Variants in RGS7 observed in about 807,000 individuals in gnomAD.
The protein encoded by RGS7 is regulator of G-protein signaling 7.
RGS7 carries 27 observed loss-of-function variants against 81.1 expected under a neutral mutation model. The observed-to-expected ratio is 0.33, with a 90% CI of 0.25 to 0.46. The LOEUF is 0.46. RGS7 is among the 20% of genes least tolerant of loss of function. The probability of loss-of-function intolerance (pLI) is 1.00; values close to 1 mark genes in which losing one functional copy is unlikely to be tolerated. For missense variants in RGS7, 396 were observed against 607.4 expected, an observed-to-expected ratio of 0.65 and a Z score of 3.66; for synonymous variants, 208 against 207.7, an observed-to-expected ratio of 1.00 and a Z score of -0.01.
rs76574397 is a variant in RGS7, at chr1:241,029,095, G to A, written c.176-45966C>T. 3.3e-5 allele frequency among the ~76,000 whole-genome samples: 5 copies of A among 152,100 alleles called. No individual in the cohort carries two copies. In the East Asian group the frequency reaches 5.8e-4, roughly 18 times the overall value. ...CAAAGAGATTTCTGGAGGCTGGCTC[G>A]GTAGGGTTGTAGGTTGAGGCTGTTG... On this transcript the variant is annotated intron_variant, in intron 3 of 18. Transcript: ENST00000440928.
intron 9 of RGS7, among the ~76,000 whole-genome samples, chr1:240,839,523 A>G (rs972038895): frequency 1.3e-5 from 2 of 152,222 alleles, no homozygotes; most frequent in Admixed American, 6.5e-5. Flanking sequence ...CATACATATC[A>G]TAGAAGCCAA....
chr1:240,957,386 C>T (rs1359906159), intron 4 of RGS7, among the ~76,000 whole-genome samples: 6 of 152,154 alleles, frequency 3.9e-5, no homozygotes, highest in Admixed American at 2.6e-4. Context: ...TTTGTGACTC[C>T]GACTGAGCCA....
intron 10 of RGS7, among the ~76,000 whole-genome samples, chr1:240,825,457 A>G (rs1236049533): frequency 6.6e-6 from 1 of 152,182 alleles, no homozygotes; most frequent in East Asian, 1.9e-4. Flanking sequence ...GGTGAGAAAA[A>G]TCCGTTTTCT....
chr1:241,153,812 G>T lies in RGS7; in HGVS notation c.79-55050C>A, dbSNP rs191982357. On this transcript the variant is annotated intron_variant, in intron 2 of 18. Transcript: ENST00000440928. ...GTCTCTTCAAATACAGCAAGGGAAA[G>T]TCCTAATGGAGAAGCCAGTCTTAGG... is the stretch of plus-strand genomic sequence containing the variant. 2.2e-3 allele frequency among the ~76,000 whole-genome samples: 330 copies of T among 152,382 alleles called. 2 individuals carry two copies. Among genetic ancestry groups the T allele is most frequent in the African/African-American group, 7.6e-3 (318 of 41,596 alleles).
intron 18 of RGS7, among the ~76,000 whole-genome samples, chr1:240,786,240 TTA>T (rs1685044489): frequency 6.6e-6 from 1 of 152,196 alleles, no homozygotes; most frequent in Admixed American, 6.5e-5. Flanking sequence ...TTACATTCTA[TTA>T]TGTCCTTCTA....
At chr1:240,934,390 T>C (rs1572848444) in intron 5 of RGS7, among the ~76,000 whole-genome samples, 1 of 152,352 alleles carries the variant, frequency 6.6e-6, no homozygotes, top group East Asian at 1.9e-4. Flanking sequence ...TTCGGTGTAA[T>C]AAAGAACTTT....
chr1:241,147,006 C>T (rs933615975), intron 2 of RGS7, among the ~76,000 whole-genome samples: 4 of 152,166 alleles, frequency 2.6e-5, no homozygotes, highest in Non-Finnish European at 4.4e-5. Context: ...TAGAAACACT[C>T]GGCTTATAGC....
intron 2 of RGS7, among the ~76,000 whole-genome samples, chr1:241,141,246 G>A (rs1441542146): frequency 6.6e-6 from 1 of 152,142 alleles, no homozygotes; most frequent in Non-Finnish European, 1.5e-5. Flanking sequence ...CTCATCTGAA[G>A]CTTCCTAAGA....
chr1:240,986,728 G>A lies in RGS7; in HGVS notation c.176-3599C>T, dbSNP rs1158781861. On this transcript the variant is annotated intron_variant, in intron 3 of 18. Transcript: ENST00000440928. ...CTCCGGAGTAGCTGGGACTACAGGCGCCCGCCACCTCGCCCGGCTAATTTT... is the reference window on the plus strand; with the variant it reads ...CTCCGGAGTAGCTGGGACTACAGGCACCCGCCACCTCGCCCGGCTAATTTT... 1.0e-4 allele frequency among the ~76,000 whole-genome samples: 2 copies of A among 19,984 alleles called. 1 individual carries two copies. Among genetic ancestry groups the A allele is most frequent in the African/African-American group, 4.5e-4 (2 of 4,450 alleles). 13.1% of individuals were successfully genotyped at this position (19,984 alleles called of 152,430 possible).
intron 2 of RGS7, among the ~76,000 whole-genome samples, chr1:241,265,114 G>A (rs1419867392): frequency 1.3e-5 from 2 of 152,182 alleles, no homozygotes; most frequent in African/African-American, 4.8e-5. Flanking sequence ...TTACTACAAA[G>A]CCTACCTCCC....
chr1:240,932,276 T>C (rs261861), intron 5 of RGS7, among the ~76,000 whole-genome samples: 84,082 of 151,826 alleles, frequency 0.55, 23,602 homozygotes, highest in African/African-American at 0.63. Context: ...AGTAGTTTTG[T>C]GAACATGAGA....
At chr1:241,294,204 A>G (rs1489606191) in intron 2 of RGS7, among the ~76,000 whole-genome samples, 1 of 151,926 alleles carries the variant, frequency 6.6e-6, no homozygotes, top group Non-Finnish European at 1.5e-5. Context: ...AAAACCAAAC[A>G]CCACATGTTC....
intron 2 of RGS7, among the ~76,000 whole-genome samples, chr1:241,166,484 T>C (rs1358462845): frequency 6.6e-6 from 1 of 152,178 alleles, no homozygotes; most frequent in African/African-American, 2.4e-5. Flanking sequence ...AAGTTTATGA[T>C]TTCAGAAGGG....
At chr1:241,204,144 G>C (rs1315202554) in intron 2 of RGS7, among the ~76,000 whole-genome samples, 1 of 152,194 alleles carries the variant, frequency 6.6e-6, no homozygotes, top group Non-Finnish European at 1.5e-5. Flanking sequence ...GAGGAACACA[G>C]GTGTGTATAG....
intron 6 of RGS7, among the ~76,000 whole-genome samples, chr1:240,884,964 GAC>G (rs917989235): frequency 6.6e-6 from 1 of 152,186 alleles, no homozygotes; most frequent in Non-Finnish European, 1.5e-5. Context: ...AGAGTAAAGA[GAC>G]AACCTATAGA....
At chr1:241,170,949 G>A (rs2070691077) in intron 2 of RGS7, among the ~76,000 whole-genome samples, 2 of 152,224 alleles carry the variant, frequency 1.3e-5, no homozygotes, top group Middle Eastern at 6.8e-3. Flanking sequence ...TTGGTGATAG[G>A]AGTAATCTAA....
At chr1:240,983,024 A>G (rs1685154247) in intron 4 of RGS7, 55 bp downstream of exon 4, 5 of 1,023,224 alleles carry the variant, frequency 4.9e-6, no homozygotes, top group Admixed American at 3.6e-5. Context: ...GATGAAACAT[A>G]TTTCTTAAAA....
intron 6 of RGS7, among the ~76,000 whole-genome samples, chr1:240,912,306 G>A (rs1479915679): frequency 6.6e-6 from 1 of 151,968 alleles, no homozygotes; most frequent in Non-Finnish European, 1.5e-5. Flanking sequence ...CATTTAAAAT[G>A]AGACAAAAAG....
At chr1:240,996,014 T>C (rs985694297) in intron 3 of RGS7, among the ~76,000 whole-genome samples, 3 of 148,306 alleles carry the variant, frequency 2.0e-5, no homozygotes, top group African/African-American at 7.6e-5. Context: ...ATTTTATTTT[T>C]ATTGTTTTTT....
Sources: allele counts gnomAD v4.1 joint callset (sites outside exome capture counted in the v4.1 genomes callset), GRCh38; gene constraint gnomAD v4.1.1; transcripts MANE v1.5; gene names NCBI Gene and HGNC (gene_info 2026-07-23, HGNC 2026-07-21).